ADGRB3: variants seen among roughly 807,000 people sequenced by gnomAD.
ADGRB3 encodes brain-specific angiogenesis inhibitor 3.
Under a neutral mutation model 193.4 loss-of-function variants are expected in ADGRB3, and 37 were observed. That is an observed-to-expected ratio of 0.19 (90% CI 0.15 to 0.25). The LOEUF (loss-of-function observed/expected upper bound fraction) is 0.25, where lower values mean the gene tolerates loss of function less well. Among genes scored for constraint, ADGRB3 ranks in the 10% least tolerant of loss-of-function variants. The probability of loss-of-function intolerance (pLI) is 1.00; values close to 1 mark genes in which losing one functional copy is unlikely to be tolerated. For missense variants in ADGRB3, 1,637 were observed against 1,852.9 expected (o/e 0.88, Z 2.14); for synonymous variants, 690 against 644.2 (o/e 1.07, Z -1.08).
intron 17 of ADGRB3, among the ~76,000 whole-genome samples, chr6:69,205,213 T>C (rs1027973498): frequency 6.6e-6 from 1 of 152,146 alleles, no homozygotes; most frequent in Non-Finnish European, 1.5e-5. Context: ...TAAGGACATT[T>C]TATTTAACTC....
chr6:69,016,226 A>G (rs142679625), intron 12 of ADGRB3, among the ~76,000 whole-genome samples: 2 of 152,106 alleles, frequency 1.3e-5, no homozygotes, highest in East Asian at 3.9e-4. Context: ...AACCTGCTCT[A>G]TAGCATTTGA....
chr6:68,868,517 T>C (rs565292), intron 3 of ADGRB3, among the ~76,000 whole-genome samples: 47,624 of 152,124 alleles, frequency 0.31, 8,111 homozygotes, highest in East Asian at 0.59. Flanking sequence ...ATTTTATATA[T>C]AACACTATAA....
At chr6:68,715,905 C>T (rs536729831) in intron 3 of ADGRB3, among the ~76,000 whole-genome samples, 1 of 151,834 alleles carries the variant, frequency 6.6e-6, no homozygotes, top group East Asian at 1.9e-4. Flanking sequence ...AACCACTACA[C>T]TCTTTCTTGG....
chr6:68,661,561 A>T (rs1294148659), intron 3 of ADGRB3, among the ~76,000 whole-genome samples: 6 of 95,886 alleles, frequency 6.3e-5, no homozygotes, highest in Admixed American at 1.1e-4. Context: ...ATATATATAT[A>T]TATATATATA....
chr6:69,164,340 A>G (rs1775078096), intron 17 of ADGRB3, among the ~76,000 whole-genome samples: 1 of 151,994 alleles, frequency 6.6e-6, no homozygotes, highest in African/African-American at 2.4e-5. Context: ...GACAAACCAA[A>G]CAATACTGCT....
chr6:68,902,747 A>T (rs778453162), intron 3 of ADGRB3, among the ~76,000 whole-genome samples: 1 of 152,126 alleles, frequency 6.6e-6, no homozygotes, highest in Non-Finnish European at 1.5e-5. Flanking sequence ...ATAAACTGAA[A>T]AAAAGCTTTA....
chr6:69,008,249 A>G (rs2150282696), intron 11 of ADGRB3, among the ~76,000 whole-genome samples: 1 of 152,266 alleles, frequency 6.6e-6, no homozygotes, highest in South Asian at 2.1e-4. Flanking sequence ...CATAAATTCA[A>G]CGAGGGAAGT....
At chr6:68,728,893 C>T (rs891886515) in intron 3 of ADGRB3, among the ~76,000 whole-genome samples, 1 of 151,472 alleles carries the variant, frequency 6.6e-6, no homozygotes, top group Non-Finnish European at 1.5e-5. Flanking sequence ...ATTGCCCATT[C>T]AGACTGTATA....
At chr6:68,744,739 G>A (rs1372398619) in intron 3 of ADGRB3, among the ~76,000 whole-genome samples, 1 of 152,058 alleles carries the variant, frequency 6.6e-6, no homozygotes, top group Admixed American at 6.6e-5. Flanking sequence ...GCCTGTTGGG[G>A]GATATGGGGT....
intron 20 of ADGRB3, among the ~76,000 whole-genome samples, chr6:69,242,182 A>G (rs1022187629): frequency 2.5e-4 from 38 of 152,060 alleles, no homozygotes; most frequent in Admixed American, 2.4e-3. Context: ...AGAAAAGTAC[A>G]AAGTGTGTTG....
intron 13 of ADGRB3, 106 bp downstream of exon 13, chr6:69,018,605 T>TCTATTGACCCTG: frequency 1.5e-6 from 1 of 681,794 alleles, no homozygotes; most frequent in Non-Finnish European, 2.4e-6. Context: ...TATGTTTAAC[T>TCTATTGACCCTG]GCATGTGAGC....
intron 3 of ADGRB3, among the ~76,000 whole-genome samples, chr6:68,702,195 A>C (rs941984835): frequency 9.5e-5 from 14 of 147,522 alleles, no homozygotes; most frequent in African/African-American, 2.5e-4. Flanking sequence ...ACATGGCAAG[A>C]ACAGGAGCGA....
intron 30 of ADGRB3, among the ~76,000 whole-genome samples, chr6:69,382,412 A>G (rs976987367): frequency 3.3e-5 from 5 of 151,998 alleles, no homozygotes; most frequent in Non-Finnish European, 7.4e-5. Flanking sequence ...TTTAGTGTTT[A>G]TAGAAATAAA....
chr6:69,136,132 A>G (rs1247150494), intron 17 of ADGRB3, among the ~76,000 whole-genome samples: 1 of 152,050 alleles, frequency 6.6e-6, no homozygotes, highest in Non-Finnish European at 1.5e-5. Context: ...GTGGGTGTGG[A>G]CATACATATG....
Position 69,324,989 on chromosome 6 carries a change from C to T in ADGRB3, c.2932C>T (p.Leu978Phe). The T allele has an allele frequency of 1.9e-6, 3 of 1,613,758 alleles. No individual in the cohort carries two copies. Among genetic ancestry groups the T allele is most frequent in the Non-Finnish European group, 2.5e-6 (3 of 1,179,826 alleles). ...MAVTGKIRTRLIRKRFLCLGW... is the reference protein window; with the variant it reads ...MAVTGKIRTRFIRKRFLCLGW... ...TGTAACTGGAAAAATTAGGACACGG[C>T]TTATAAGAAAACGCTTTTTGTGCCT... The change falls in exon 21 of 32, where the codon CTT becomes TTT. Residue 978 changes from leucine (L) to phenylalanine (F), a missense_variant. Around this residue, in one of 7 missense-constraint regions of ADGRB3, gnomAD observed 87 missense variants for 161.0 expected, o/e 0.54. Transcript: ENST00000370598.
chr6:69,162,006 T>A (rs1775003372), intron 17 of ADGRB3, among the ~76,000 whole-genome samples: 1 of 152,078 alleles, frequency 6.6e-6, no homozygotes. Flanking sequence ...TTGGCAGAAG[T>A]AAATCAATAA....
chr6:68,989,230 A>G (rs1769164875), intron 10 of ADGRB3, among the ~76,000 whole-genome samples: 1 of 152,192 alleles, frequency 6.6e-6, no homozygotes, highest in African/African-American at 2.4e-5. Context: ...TAAAACTATA[A>G]TATATTGTTT....
chr6:69,156,714 A>C (rs1419051849), intron 17 of ADGRB3, among the ~76,000 whole-genome samples: 1 of 152,194 alleles, frequency 6.6e-6, no homozygotes, highest in African/African-American at 2.4e-5. Flanking sequence ...AAGAATGAAA[A>C]CAGAAAATCC....
chr6:68,709,449 A>G (rs886565153), intron 3 of ADGRB3, among the ~76,000 whole-genome samples: 4 of 152,232 alleles, frequency 2.6e-5, no homozygotes, highest in African/African-American at 7.2e-5. Flanking sequence ...TAAGAAAATA[A>G]TTTTACATAA....
Sources: allele counts gnomAD v4.1 joint callset (sites outside exome capture counted in the v4.1 genomes callset), GRCh38; gene constraint gnomAD v4.1.1; regional missense constraint gnomAD v4.1.1; transcripts MANE v1.5; gene names NCBI Gene and HGNC (gene_info 2026-07-23, HGNC 2026-07-21).